The following HERC2 variants were observed in gnomAD, a reference collection of about 807,000 sequenced individuals.
HERC2 encodes the protein HECT and RLD domain containing E3 ubiquitin protein ligase 2, also known as E3 ubiquitin-protein ligase HERC2.
Under a neutral mutation model 537.7 loss-of-function variants are expected in HERC2, and 102 were observed. That is an observed-to-expected ratio of 0.19 (90% CI 0.16 to 0.22). The LOEUF is 0.22. Ranked by LOEUF, HERC2 falls within the 10% of genes least tolerant of loss-of-function variation. The pLI is 1.00. For missense variants in HERC2, 4,236 were observed against 6,198.2 expected (o/e 0.68, Z 10.63); for synonymous variants, 2,224 against 2,466.2 (o/e 0.90, Z 2.91).
chr15:28,263,353 A>G (rs1446094907), intron 14 of HERC2, among the ~76,000 whole-genome samples, 184 bp from the exon 15 acceptor site: 1 of 152,242 alleles, frequency 6.6e-6, no homozygotes, highest in Non-Finnish European at 1.5e-5. Context: ...ACATAGAAGC[A>G]ATAAAGAAAG....
chr15:28,290,124 G>A (rs1309608508), intron 4 of HERC2, among the ~76,000 whole-genome samples: 1 of 152,198 alleles, frequency 6.6e-6, no homozygotes, highest in Non-Finnish European at 1.5e-5. Context: ...TAAATAATCA[G>A]GTACGGGTAA....
chr15:28,135,452 G>T, intron 79 of HERC2, 26 bp downstream of exon 79: 1 of 1,557,050 alleles, frequency 6.4e-7, no homozygotes, highest in Non-Finnish European at 8.9e-7. Context: ...CAAATAGAAT[G>T]TTGAAATAAT....
intron 65 of HERC2, among the ~76,000 whole-genome samples, chr15:28,171,901 C>G (rs1355519004): frequency 6.6e-6 from 1 of 151,880 alleles, no homozygotes; most frequent in African/African-American, 2.4e-5. Flanking sequence ...GGTGAAACCC[C>G]GTCTCTACTA....
chr15:28,254,304 A>C, intron 20 of HERC2, 36 bp downstream of exon 20: 1 of 1,427,308 alleles, frequency 7.0e-7, no homozygotes, highest in Non-Finnish European at 9.5e-7. Context: ...AAAGTAAATA[A>C]ATAACATATA....
intron 92 of HERC2, among the ~76,000 whole-genome samples, chr15:28,112,410 G>T (rs948988935): frequency 6.6e-6 from 1 of 152,194 alleles, no homozygotes; most frequent in Non-Finnish European, 1.5e-5. Context: ...GAAACGGCAA[G>T]AATTATGGAC....
chr15:28,112,075 G>A (rs776848204), intron 92 of HERC2, 40 bp from the exon 93 acceptor site: 8 of 1,596,142 alleles, frequency 5.0e-6, no homozygotes, highest in South Asian at 3.3e-5. Context: ...AATTGAGTAC[G>A]GCTGCAGTTT....
chr15:28,218,200 C>T (rs1482766998), intron 38 of HERC2, among the ~76,000 whole-genome samples: 2 of 151,676 alleles, frequency 1.3e-5, no homozygotes, highest in Non-Finnish European at 2.9e-5. Context: ...GGGGTGACAC[C>T]TCTACAAGCC....
intron 44 of HERC2, among the ~76,000 whole-genome samples, chr15:28,210,749 C>T (rs568733881): frequency 1.5e-4 from 23 of 151,994 alleles, no homozygotes; most frequent in Non-Finnish European, 2.8e-4. Flanking sequence ...TCTTGCTGAC[C>T]CATGCAGCAC....
intron 43 of HERC2, 63 bp downstream of exon 43, chr15:28,212,382 C>T (rs1736215078): frequency 1.5e-6 from 2 of 1,299,708 alleles, no homozygotes; most frequent in African/African-American, 2.9e-5. Flanking sequence ...CATAAAAGAA[C>T]ACTGTACAAA....
Position 28,215,728 on chromosome 15 carries a change from G to A in HERC2, c.6103C>T (p.Leu2035Phe). The A allele has an allele frequency of 6.2e-7, 1 of 1,612,026 alleles. No homozygotes were observed. The highest frequency in any genetic ancestry group is 8.5e-7 in the Non-Finnish European group (1 of 1,179,844). The change falls in exon 39 of 93, where the codon CTC (leucine) becomes TTC (phenylalanine). Residue 2035 changes from leucine (L) to phenylalanine (F), a missense_variant. By Grantham distance (22) the Leu-to-Phe change is conservative (BLOSUM62 0). This residue lies in a region of HERC2 where 365 missense variants were observed against 468.8 expected (regional missense o/e 0.78). Coordinates refer to ENST00000261609, the MANE Select transcript of HERC2 (RefSeq NM_004667.6). ...AGGGCGCCGCATACCTGCGGCGTGA[G>A]AGCGATGCTCCGCACAAACCCCAGC... Reference protein sequence around the residue: ...CTLGFVRSIALTPQVCGALSS... With the variant: ...CTLGFVRSIAFTPQVCGALSS...
chr15:28,150,114 G>A (rs1363852822), intron 70 of HERC2, among the ~76,000 whole-genome samples: 2 of 151,024 alleles, frequency 1.3e-5, no homozygotes, highest in Admixed American at 6.6e-5. Flanking sequence ...AAACACACAC[G>A]GCTCCTAACC....
chr15:28,294,957 T>G (rs1376805653), intron 3 of HERC2, among the ~76,000 whole-genome samples: 1 of 151,952 alleles, frequency 6.6e-6, no homozygotes, highest in Non-Finnish European at 1.5e-5. Context: ...CAGCTTTTTC[T>G]GTGCAAAAGA....
chr15:28,230,718 C>G (rs2525986), intron 30 of HERC2, among the ~76,000 whole-genome samples: 10,102 of 149,414 alleles, frequency 0.068, 718 homozygotes, highest in East Asian at 0.39. Context: ...CCCCGAAGCA[C>G]GGGAAGCCCG....
At chr15:28,127,835 T>C (rs912650683) in intron 83 of HERC2, among the ~76,000 whole-genome samples, 1 of 152,042 alleles carries the variant, frequency 6.6e-6, no homozygotes, top group Non-Finnish European at 1.5e-5. Context: ...CCCCAATGAA[T>C]ACATTAGGAT....
chr15:28,144,060 G>A lies in HERC2; in HGVS notation c.11299+17C>T, dbSNP rs1891491723. 6.2e-7 allele frequency: 1 copy of A among 1,614,178 alleles called. No homozygotes were observed. The highest frequency in any genetic ancestry group is 1.7e-5 in the Admixed American group (1 of 60,022). ...TCCAAGCAGGAAGACAGATGTAACT[G>A]TAATGGTGGCATTTACCTAGGGCAC... On this transcript the variant is annotated intron_variant, in intron 73 of 92. Transcript: ENST00000261609.
At chr15:28,239,620 C>T (rs1162981532) in intron 23 of HERC2, among the ~76,000 whole-genome samples, 1 of 146,230 alleles carries the variant, frequency 6.8e-6, no homozygotes, top group Non-Finnish European at 1.5e-5. Context: ...TTACAGGCCT[C>T]CTGAGCCAAC....
chr15:28,164,336 C>A (rs193244818), intron 68 of HERC2, among the ~76,000 whole-genome samples: 1 of 152,318 alleles, frequency 6.6e-6, no homozygotes, highest in African/African-American at 2.4e-5. Context: ...GGAAACCACA[C>A]CACTCTGATT....
intron 4 of HERC2, among the ~76,000 whole-genome samples, chr15:28,280,857 C>A (rs557547471): frequency 2.6e-5 from 4 of 152,166 alleles, no homozygotes; most frequent in Non-Finnish European, 4.4e-5. Flanking sequence ...TTGCAGTGAG[C>A]TGAGATTTTG....
At chr15:28,307,032 A>G (rs1256578124) in intron 2 of HERC2, among the ~76,000 whole-genome samples, 1 of 152,126 alleles carries the variant, frequency 6.6e-6, no homozygotes, top group African/African-American at 2.4e-5. Context: ...TTGGAGTTTC[A>G]CCATGTTGGC....
Sources: gnomAD v4.1 joint callset for allele counts (sites outside exome capture counted in the v4.1 genomes callset) on GRCh38, gnomAD v4.1.1 for gene constraint, gnomAD v4.1.1 regional missense constraint, MANE v1.5 for transcripts, NCBI Gene and HGNC (gene_info 2026-07-23, HGNC 2026-07-21) for gene names.